Variants in SPEN observed in about 807,000 individuals in gnomAD.
SPEN encodes msx2-interacting protein.
A neutral mutation model predicts 269.9 loss-of-function variants in SPEN; 18 were observed. The ratio of observed to expected loss-of-function variants is 0.07; its 90% confidence interval spans 0.05 to 0.10. The LOEUF is 0.10. SPEN is among the 10% of genes least tolerant of loss of function. SPEN has a pLI of 1.00. For missense variants in SPEN, 3,822 were observed against 4,631.2 expected (o/e 0.83, Z 5.07); for synonymous variants, 1,726 against 1,765.7 (o/e 0.98, Z 0.56).
rs1229346868 is a variant in SPEN, at chr1:15,929,003, G to C, written c.2763G>C (p.Gln921His). The change falls in exon 11 of 15, where the codon CAG becomes CAC. Residue 921 changes from glutamine (Q) to histidine (H), a missense_variant. By Grantham distance (24) the Gln-to-His change is conservative (BLOSUM62 0). Coordinates refer to ENST00000375759, the MANE Select transcript of SPEN (RefSeq NM_015001.3). The surrounding 1 kb of genome is among the most constrained non-coding windows in gnomAD (Gnocchi z 5.8). ...TGGACCAGAAACTTCAGGTCTCTCAGACGGAGCCTGCAAAATCTGACTTGT... is the reference window on the plus strand; with the variant it reads ...TGGACCAGAAACTTCAGGTCTCTCACACGGAGCCTGCAAAATCTGACTTGT... The part of the protein sequence containing the change: ...SALDQKLQVS[Q>H]TEPAKSDLSK... 1.2e-6 allele frequency: 2 copies of C among 1,614,226 alleles called. No individual in the cohort carries two copies. The highest frequency in any genetic ancestry group is 2.2e-5 in the South Asian group (2 of 91,084).
chr1:15,874,809 G>A (rs944137442), intron 2 of SPEN, among the ~76,000 whole-genome samples: 2 of 152,100 alleles, frequency 1.3e-5, no homozygotes, highest in Non-Finnish European at 2.9e-5. Context: ...CATTTAAGTA[G>A]GAAAGATATA....
intron 1 of SPEN, among the ~76,000 whole-genome samples, chr1:15,863,563 G>C (rs1466910637): frequency 6.6e-6 from 1 of 152,112 alleles, no homozygotes; most frequent in Non-Finnish European, 1.5e-5. Context: ...TAATCTGGCT[G>C]GGTGCAGTGG....
In SPEN at chr1:15,876,525, G is replaced by A. The variant is rs776842790; in HGVS notation, c.728G>A (p.Arg243Gln). The change falls in exon 3 of 15, where the codon CGG becomes CAG. Residue 243 changes from arginine (R) to glutamine (Q), a missense_variant. By Grantham distance (43) the Arg-to-Gln change is conservative. This residue lies in a region of SPEN where 327 missense variants were observed against 350.8 expected (regional missense o/e 0.93). Transcript: ENST00000375759. ...CGGAATTACCAGCACAGCAGGAGTC[G>A]GTCACCACATTCATCCCAGTCTAGA... ...PERNYQHSRS[R>Q]SPHSSQSRNQ... 3.7e-6 allele frequency: 6 copies of A among 1,613,886 alleles called. No individual in the cohort carries two copies. Among genetic ancestry groups the A allele is most frequent in the Non-Finnish European group, 3.4e-6 (4 of 1,180,014 alleles).
chr1:15,931,659 G>A lies in SPEN; in HGVS notation c.5419G>A (p.Val1807Ile), dbSNP rs1439765795. 1 of 1,614,106 alleles carries A rather than the reference G, an allele frequency of 6.2e-7. No individual in the cohort carries two copies. The highest frequency in any genetic ancestry group is 8.5e-7 in the Non-Finnish European group (1 of 1,180,056). The change falls in exon 11 of 15, where the codon GTT (valine) becomes ATT (isoleucine). Residue 1807 changes from valine to isoleucine, a missense_variant. Coordinates refer to ENST00000375759, the MANE Select transcript of SPEN (RefSeq NM_015001.3). The surrounding 1 kb of genome is among the most constrained non-coding windows in gnomAD (Gnocchi z 4.8). Reference protein sequence around the residue: ...SQPPASEDLEVDPPVAAKDKK... With the variant: ...SQPPASEDLEIDPPVAAKDKK... The stretch of plus-strand genomic sequence containing the variant: ...GCCCCCAGCTTCTGAAGATTTAGAG[G>A]TTGATCCTCCAGTTGCTGCAAAGGA...
In SPEN at chr1:15,930,098, G is replaced by T. The variant is rs966161247; in HGVS notation, c.3858G>T (p.Gly1286=). ...IGSPRLLSVK[G]SPKVDEKVLP... is the part of the protein sequence containing the mutation. ...CCCCTAGGCTACTGTCAGTAAAAGG[G>T]TCTCCTAAAGTAGATGAAAAAGTCC... The change falls in exon 11 of 15, where the codon GGG becomes GGT. Residue 1286 remains glycine, a synonymous_variant. Transcript: ENST00000375759. This position sits in a 1 kb window ranked among gnomAD's most constrained non-coding sequence, Gnocchi z 5.3. 3.7e-6 allele frequency: 6 copies of T among 1,614,186 alleles called. No homozygotes were observed. The East Asian group carries it at 1.3e-4, about 36-fold the overall frequency.
chr1:15,870,127 C>T (rs980271845), intron 1 of SPEN, among the ~76,000 whole-genome samples: 1 of 152,134 alleles, frequency 6.6e-6, no homozygotes, highest in Admixed American at 6.6e-5. Context: ...GCCTCGGCCT[C>T]CCAAAGTGCT....
Position 15,911,081 on chromosome 1 carries a change from G to T in SPEN, c.1043-20G>T. 2 of 1,569,526 alleles carry T rather than the reference G, an allele frequency of 1.3e-6. No homozygotes were observed. Among genetic ancestry groups the T allele is most frequent in the South Asian group, 1.2e-5 (1 of 85,204 alleles). On this transcript the variant is annotated intron_variant, in intron 4 of 14. Coordinates refer to ENST00000375759, the MANE Select transcript of SPEN (RefSeq NM_015001.3). ...ATTAAATTAGAAGAATTAATAACTTGGTTTTTTTTGGGAATTTAGATACAA... is the reference window on the plus strand; with the variant it reads ...ATTAAATTAGAAGAATTAATAACTTTGTTTTTTTTGGGAATTTAGATACAA...
At chr1:15,906,540 C>G (rs745758610) in intron 3 of SPEN, among the ~76,000 whole-genome samples, 1 of 136,978 alleles carries the variant, frequency 7.3e-6, no homozygotes, top group African/African-American at 2.9e-5. Context: ...TTTAATGCAG[C>G]TTCTGCCTCC....
At chr1:15,912,968 GC>G (rs2071024656) in intron 5 of SPEN, among the ~76,000 whole-genome samples, 1 of 152,132 alleles carries the variant, frequency 6.6e-6, no homozygotes, top group South Asian at 2.1e-4. Context: ...TAGGAAATAG[GC>G]TTTACCTACT....
In SPEN at chr1:15,935,254, C is replaced by T. The variant is rs2071263104; in HGVS notation, c.9014C>T (p.Pro3005Leu). 6.2e-7 allele frequency: 1 copy of T among 1,614,016 alleles called. No homozygotes were observed. The highest frequency in any genetic ancestry group is 8.5e-7 in the Non-Finnish European group (1 of 1,180,034). Residue 3005 changes from proline to leucine, a missense_variant, in exon 11 of 15, where the codon CCC becomes CTC. Coordinates refer to ENST00000375759, the MANE Select transcript of SPEN (RefSeq NM_015001.3). The surrounding 1 kb of genome is among the most constrained non-coding windows in gnomAD (Gnocchi z 7.7). Reference sequence around the variant, plus strand: ...GAAGTCAACCATGTCCCCTCGGGGCCCAGCATCCCAGCAGATCGAACTGTC... The same window carrying T: ...GAAGTCAACCATGTCCCCTCGGGGCTCAGCATCCCAGCAGATCGAACTGTC... ...PTEVNHVPSG[P>L]SIPADRTVSH...
chr1:15,928,736 T>C lies in SPEN; in HGVS notation c.2496T>C (p.Ser832=), dbSNP rs1426777909. The C allele has an allele frequency of 6.2e-7, 1 of 1,613,962 alleles. No individual in the cohort carries two copies. Among genetic ancestry groups the C allele is most frequent in the Admixed American group, 1.7e-5 (1 of 60,006 alleles). ...GCAAAGGAAAGGTTCACTCCCCTAG[T>C]TCTCAGTCTTCAGAAACGGACCAAG... The part of the protein sequence containing the change: ...QKRKGKVHSP[S]SQSSETDQEN... The change falls in exon 11 of 15, where the codon AGT becomes AGC. Residue 832 remains serine, a synonymous_variant. Transcript: ENST00000375759. The surrounding 1 kb of genome is among the most constrained non-coding windows in gnomAD (Gnocchi z 5.7).
intron 1 of SPEN, among the ~76,000 whole-genome samples, chr1:15,849,878 C>T (rs1048991412): frequency 1.3e-5 from 2 of 152,108 alleles, no homozygotes; most frequent in South Asian, 2.1e-4. Context: ...AGGTCTCTGC[C>T]TGGGAAATTC....
In SPEN at chr1:15,873,022, T is replaced by C; in HGVS notation, c.290T>C (p.Ile97Thr). ...AARGLDDTVS[I>T]ASRSREVSGF... ...CGGGGATTGGATGATACAGTTTCCA[T>C]AGCATCTCGTAGTAGAGAGGTTTCT... Residue 97 changes from isoleucine to threonine, a missense_variant, in exon 2 of 15, where the codon ATA (isoleucine) becomes ACA (threonine). This residue lies in a region of SPEN where 327 missense variants were observed against 350.8 expected (regional missense o/e 0.93). Coordinates refer to ENST00000375759, the MANE Select transcript of SPEN (RefSeq NM_015001.3). 1 of 1,614,152 alleles carries C rather than the reference T, an allele frequency of 6.2e-7. No homozygotes were observed. Among genetic ancestry groups the C allele is most frequent in the East Asian group, 2.2e-5 (1 of 44,888 alleles).
chr1:15,866,555 A>G (rs369455343), intron 1 of SPEN, among the ~76,000 whole-genome samples: 76 of 152,164 alleles, frequency 5.0e-4, no homozygotes, highest in African/African-American at 1.6e-3. Context: ...GGGTTTCACT[A>G]TGTTAGCCAG....
intron 3 of SPEN, among the ~76,000 whole-genome samples, chr1:15,888,348 G>C (rs2070756019): frequency 6.6e-6 from 1 of 151,052 alleles, no homozygotes; most frequent in South Asian, 2.1e-4. Flanking sequence ...TTTGAGGCAA[G>C]AGTCTTGCTC....
intron 1 of SPEN, among the ~76,000 whole-genome samples, chr1:15,852,890 T>C (rs1248272020): frequency 1.3e-5 from 2 of 152,238 alleles, no homozygotes; most frequent in Non-Finnish European, 2.9e-5. Context: ...ATCGACTGAC[T>C]GATTGATTGA....
chr1:15,939,940 T>G lies in SPEN; in HGVS notation c.*513T>G, dbSNP rs955125271. ...CAAGGAACATTTCATTGGTTTTTTT[T>G]GTCCACCCCCATCTCCCTTGCTCAT... On this transcript the variant is annotated 3_prime_UTR_variant, in exon 15 of 15. Coordinates refer to ENST00000375759, the MANE Select transcript of SPEN (RefSeq NM_015001.3). The surrounding 1 kb of genome is among the most constrained non-coding windows in gnomAD (Gnocchi z 4.1). 3.0e-5 allele frequency: 7 copies of G among 233,056 alleles called. No homozygotes were observed. Among genetic ancestry groups the G allele is most frequent in the African/African-American group, 6.6e-5 (3 of 45,280 alleles). The allele number at this position is 233,056 out of a possible 1,614,324, so 14.4% of individuals were successfully genotyped here.
intron 3 of SPEN, among the ~76,000 whole-genome samples, chr1:15,895,784 G>A (rs971095206): frequency 5.3e-5 from 8 of 149,686 alleles, no homozygotes; most frequent in Non-Finnish European, 7.4e-5. Context: ...AGGTTCAAGC[G>A]ATTCTCCCAC....
intron 3 of SPEN, among the ~76,000 whole-genome samples, chr1:15,907,076 T>A (rs1413538726): frequency 1.3e-5 from 2 of 152,134 alleles, no homozygotes; most frequent in Admixed American, 1.3e-4. Flanking sequence ...CCAGTCAAGT[T>A]TTCATCTATT....
Sources: allele counts gnomAD v4.1 joint callset (sites outside exome capture counted in the v4.1 genomes callset), GRCh38; gene constraint gnomAD v4.1.1; regional missense constraint gnomAD v4.1.1; non-coding constraint Gnocchi (gnomAD v3.1); transcripts MANE v1.5; gene names NCBI Gene and HGNC (gene_info 2026-07-23, HGNC 2026-07-21).